Variants in CNTNAP5 observed in about 807,000 individuals in gnomAD.
CNTNAP5 encodes the protein contactin-associated protein-like 5.
Under a neutral mutation model 150.2 loss-of-function variants are expected in CNTNAP5, and 72 were observed. That is an observed-to-expected ratio of 0.48 (90% CI 0.40 to 0.58). The LOEUF (loss-of-function observed/expected upper bound fraction) is 0.58, where lower values mean the gene tolerates loss of function less well. Ranked by LOEUF, CNTNAP5 falls within the 20% of genes least tolerant of loss-of-function variation. The pLI, the probability that CNTNAP5 is intolerant of heterozygous loss-of-function variation, is 0.00. For missense variants in CNTNAP5, 1,636 were observed against 1,626.2 expected (o/e 1.01, Z -0.10); for synonymous variants, 672 against 619.8 (o/e 1.08, Z -1.25).
chr2:124,677,336 G>A (rs1167639831), intron 13 of CNTNAP5, among the ~76,000 whole-genome samples: 1 of 152,210 alleles, frequency 6.6e-6, no homozygotes, highest in African/African-American at 2.4e-5. Flanking sequence ...GCTCATAAAG[G>A]TAGTGTGGAC....
At chr2:124,611,426 ACTTT>A (rs1282942081) in intron 12 of CNTNAP5, among the ~76,000 whole-genome samples, 2 of 152,254 alleles carry the variant, frequency 1.3e-5, no homozygotes, top group South Asian at 2.1e-4. Context: ...TTCCGTAATA[ACTTT>A]CTTTATCTCT....
intron 8 of CNTNAP5, among the ~76,000 whole-genome samples, chr2:124,510,508 T>TCA (rs1558933567): frequency 1.4e-5 from 1 of 71,548 alleles, no homozygotes; most frequent in African/African-American, 5.2e-5. Flanking sequence ...TATATATATA[T>TCA]ATATATATAT....
chr2:124,630,967 A>G (rs1379081724), intron 12 of CNTNAP5, among the ~76,000 whole-genome samples: 3 of 152,180 alleles, frequency 2.0e-5, no homozygotes. Flanking sequence ...ATGAGCTCCC[A>G]TTCACAATTG....
At chr2:124,292,245 G>A (rs1173934634) in intron 3 of CNTNAP5, among the ~76,000 whole-genome samples, 1 of 151,646 alleles carries the variant, frequency 6.6e-6, no homozygotes, top group Non-Finnish European at 1.5e-5. Context: ...AAGACCCTTA[G>A]AAAAAATCTC....
At chr2:124,172,187 A>T (rs191457697) in intron 1 of CNTNAP5, among the ~76,000 whole-genome samples, 1 of 152,342 alleles carries the variant, frequency 6.6e-6, no homozygotes, top group African/African-American at 2.4e-5. Context: ...ATCCACATGA[A>T]GATGGATGTG....
intron 8 of CNTNAP5, among the ~76,000 whole-genome samples, chr2:124,523,555 C>A: frequency 6.6e-6 from 1 of 152,172 alleles, no homozygotes; most frequent in East Asian, 1.9e-4. Context: ...ACAGCAAAGA[C>A]AGCTGGAGCA....
intron 4 of CNTNAP5, among the ~76,000 whole-genome samples, 179 bp from the exon 5 acceptor site, chr2:124,434,305 C>T (rs764081386): frequency 6.6e-5 from 10 of 152,150 alleles, no homozygotes; most frequent in African/African-American, 9.7e-5. Flanking sequence ...TGCTTGTAAA[C>T]GAATAATTCC....
chr2:124,118,500 G>T (rs1318831043), intron 1 of CNTNAP5, among the ~76,000 whole-genome samples: 1 of 152,212 alleles, frequency 6.6e-6, no homozygotes, highest in African/African-American at 2.4e-5. Flanking sequence ...ATGACAGTAA[G>T]CTAGTTCACT....
intron 11 of CNTNAP5, among the ~76,000 whole-genome samples, chr2:124,579,313 T>A (rs968587465): frequency 6.6e-6 from 1 of 152,202 alleles, no homozygotes; most frequent in African/African-American, 2.4e-5. Flanking sequence ...ACAAAATATT[T>A]TATATTCTCC....
intron 8 of CNTNAP5, among the ~76,000 whole-genome samples, chr2:124,509,835 C>T (rs1365329799): frequency 2.0e-5 from 3 of 152,040 alleles, no homozygotes; most frequent in Non-Finnish European, 4.4e-5. Context: ...TCATGGTGGT[C>T]TTATACAAGA....
At chr2:124,518,251 C>G (rs1028066858) in intron 8 of CNTNAP5, among the ~76,000 whole-genome samples, 1 of 151,062 alleles carries the variant, frequency 6.6e-6, no homozygotes, top group African/African-American at 2.4e-5. Flanking sequence ...TTATCAAAAG[C>G]ATTTTAAAAG....
At chr2:124,514,173 A>G (rs1694655020) in intron 8 of CNTNAP5, among the ~76,000 whole-genome samples, 1 of 152,232 alleles carries the variant, frequency 6.6e-6, no homozygotes, top group Non-Finnish European at 1.5e-5. Context: ...AGATAGTAAC[A>G]TGATGAAGCA....
At chr2:124,611,811 G>A (rs1257486369) in intron 12 of CNTNAP5, among the ~76,000 whole-genome samples, 1 of 152,216 alleles carries the variant, frequency 6.6e-6, no homozygotes, top group Non-Finnish European at 1.5e-5. Context: ...AATAATAAGA[G>A]TGGTATAATG....
intron 1 of CNTNAP5, among the ~76,000 whole-genome samples, chr2:124,123,037 A>T (rs1355594272): frequency 1.3e-5 from 2 of 151,976 alleles, no homozygotes; most frequent in Non-Finnish European, 2.9e-5. Flanking sequence ...TTTCCAACTG[A>T]GGTACCGGGT....
chr2:124,288,374 AC>A (rs1688206470), intron 3 of CNTNAP5, among the ~76,000 whole-genome samples: 1 of 152,212 alleles, frequency 6.6e-6, no homozygotes, highest in South Asian at 2.1e-4. Context: ...CAATTAGTCA[AC>A]AGATTTTTAT....
Position 124,843,798 on chromosome 2 carries a change from A to G in CNTNAP5, c.3218-21508A>G, listed in dbSNP as rs556387600. On this transcript the variant is annotated intron_variant, in intron 19 of 23. Coordinates refer to ENST00000682447, the MANE Select transcript of CNTNAP5 (RefSeq NM_001367498.1). ...TTCTATATGCTTTTTGTCTATTTGT[A>G]TATTTTCTTTTGAGAATTGCCTAAT... Among the ~76,000 whole-genome samples the G allele has an allele frequency of 1.2e-3, 184 of 152,180 alleles. 1 individual carries two copies. Among genetic ancestry groups the G allele is most frequent in the Non-Finnish European group, 2.1e-3 (145 of 67,974 alleles).
At chr2:124,493,341 C>A in intron 7 of CNTNAP5, among the ~76,000 whole-genome samples, 1 of 150,560 alleles carries the variant, frequency 6.6e-6, no homozygotes, top group East Asian at 1.9e-4. Context: ...TTATTATTAT[C>A]ATTATTATTA....
chr2:124,441,204 G>A (rs981604880), intron 5 of CNTNAP5, among the ~76,000 whole-genome samples: 3 of 152,044 alleles, frequency 2.0e-5, no homozygotes, highest in Non-Finnish European at 2.9e-5. Flanking sequence ...TTATCCATAT[G>A]TGCTCCTTTT....
chr2:124,088,916 G>T (rs1682758469), intron 1 of CNTNAP5, among the ~76,000 whole-genome samples: 1 of 152,170 alleles, frequency 6.6e-6, no homozygotes, highest in Non-Finnish European at 1.5e-5. Flanking sequence ...AATATTTTCT[G>T]GGTGTTTAAC....
Sources: allele counts gnomAD v4.1 joint callset (sites outside exome capture counted in the v4.1 genomes callset), GRCh38; gene constraint gnomAD v4.1.1; transcripts MANE v1.5; gene names NCBI Gene and HGNC (gene_info 2026-07-23, HGNC 2026-07-21).